The following NELL1 variants were observed in gnomAD, a reference collection of about 807,000 sequenced individuals.
NELL1 encodes the protein protein kinase C-binding protein NELL1.
Under a neutral mutation model 107.4 loss-of-function variants are expected in NELL1, and 76 were observed. The ratio of observed to expected loss-of-function variants is 0.71; its 90% CI spans 0.59 to 0.86. The LOEUF (loss-of-function observed/expected upper bound fraction) is 0.86. Ranked by LOEUF, NELL1 falls within the 40% of genes least tolerant of loss-of-function variation. NELL1 has a pLI of 0.00. For missense variants in NELL1, 1,024 were observed against 1,005.5 expected (o/e 1.02, Z -0.25); for synonymous variants, 353 against 341.2 (o/e 1.03, Z -0.38).
chr11:21,516,389 T>C (rs1855562875), intron 15 of NELL1, among the ~76,000 whole-genome samples: 1 of 152,132 alleles, frequency 6.6e-6, no homozygotes. Context: ...CGTGTGTGTA[T>C]CTTGTGTGTG....
chr11:21,047,345 A>G (rs2001491), intron 12 of NELL1, among the ~76,000 whole-genome samples: 50,747 of 151,922 alleles, frequency 0.33, 9,601 homozygotes, highest in East Asian at 0.59. Context: ...TTTATAATTT[A>G]ATGGAAATAC....
intron 15 of NELL1, among the ~76,000 whole-genome samples, chr11:21,465,760 T>G (rs760422469): frequency 1.2e-4 from 18 of 152,090 alleles, no homozygotes; most frequent in African/African-American, 3.9e-4. Context: ...CCTGAAAGCA[T>G]TGTTATCACT....
chr11:20,686,120 T>G (rs961554378), intron 2 of NELL1, among the ~76,000 whole-genome samples: 1 of 152,152 alleles, frequency 6.6e-6, no homozygotes, highest in Admixed American at 6.6e-5. Flanking sequence ...TTCATTTATT[T>G]TTATTTCTCC....
chr11:20,752,812 A>T (rs1436702497), intron 2 of NELL1, among the ~76,000 whole-genome samples: 1 of 152,210 alleles, frequency 6.6e-6, no homozygotes, highest in Non-Finnish European at 1.5e-5. Context: ...TTTTCACTCA[A>T]ATTATTGTCC....
chr11:20,750,266 C>CATT (rs1310073996), intron 2 of NELL1, among the ~76,000 whole-genome samples: 1 of 152,000 alleles, frequency 6.6e-6, no homozygotes, highest in East Asian at 1.9e-4. Flanking sequence ...GTCTTTTCTT[C>CATT]ATTATTATTA....
intron 2 of NELL1, among the ~76,000 whole-genome samples, chr11:20,746,052 T>C (rs530796292): frequency 1.2e-3 from 181 of 152,046 alleles, no homozygotes; most frequent in Non-Finnish European, 2.1e-3. Context: ...AATTATCCTA[T>C]TTAAAAGGGG....
chr11:20,764,252 T>C lies in NELL1; in HGVS notation c.185-19428T>C, dbSNP rs1040548769. 2.6e-5 allele frequency among the ~76,000 whole-genome samples: 4 copies of C among 152,250 alleles called. No homozygotes were observed. In the East Asian group the frequency reaches 7.7e-4, roughly 29 times the overall value. ...TAGGGTAGGATTGGATTTTGCCTTATAGGCAATTGGTATAATTATGTAATA... is the reference window on the plus strand; with the variant it reads ...TAGGGTAGGATTGGATTTTGCCTTACAGGCAATTGGTATAATTATGTAATA... On this transcript the variant is annotated intron_variant, in intron 2 of 19. Coordinates refer to ENST00000357134, the MANE Select transcript of NELL1 (RefSeq NM_006157.5).
At chr11:20,675,088 A>C (rs181264321) in intron 1 of NELL1, among the ~76,000 whole-genome samples, 168 of 152,306 alleles carry the variant, frequency 1.1e-3, no homozygotes, top group African/African-American at 3.8e-3. Context: ...TCCTTGGACC[A>C]GTGGACCAGC....
At chr11:20,828,336 T>G (rs888850114) in intron 3 of NELL1, among the ~76,000 whole-genome samples, 5 of 140,872 alleles carry the variant, frequency 3.5e-5, no homozygotes, top group African/African-American at 1.2e-4. Context: ...TAATCTTGCA[T>G]GTTCTACTCT....
At chr11:21,428,888 C>T (rs979505797) in intron 15 of NELL1, among the ~76,000 whole-genome samples, 8 of 152,158 alleles carry the variant, frequency 5.3e-5, no homozygotes, top group African/African-American at 1.9e-4. Context: ...TTGTAATAAT[C>T]TATGGATAAT....
At chr11:21,324,140 T>C (rs949230911) in intron 14 of NELL1, among the ~76,000 whole-genome samples, 1 of 152,134 alleles carries the variant, frequency 6.6e-6, no homozygotes, top group African/African-American at 2.4e-5. Flanking sequence ...TAGCATTGTT[T>C]TATTTTTTCC....
chr11:21,424,954 T>C lies in NELL1; in HGVS notation c.1645+54006T>C, dbSNP rs1044039034. Among the ~76,000 whole-genome samples the C allele has an allele frequency of 2.6e-5, 4 of 152,326 alleles. No homozygotes were observed. In the East Asian group the frequency reaches 7.7e-4, roughly 29 times the overall value. ...TTGTTCTATGAGGCCAGGAGTACTT[T>C]GATACCAAAGCCAGACCAAGCCATT... On this transcript the variant is annotated intron_variant, in intron 15 of 19. Transcript: ENST00000357134.
At chr11:20,968,462 C>A (rs1352637653) in intron 12 of NELL1, among the ~76,000 whole-genome samples, 1 of 152,130 alleles carries the variant, frequency 6.6e-6, no homozygotes, top group Non-Finnish European at 1.5e-5. Context: ...TTTTAAAGTG[C>A]AGAGTCTGTA....
At chr11:20,989,807 A>G (rs2134255962) in intron 12 of NELL1, among the ~76,000 whole-genome samples, 1 of 152,188 alleles carries the variant, frequency 6.6e-6, no homozygotes, top group East Asian at 1.9e-4. Context: ...CCTGGCTAAC[A>G]CGGTGAAACC....
intron 15 of NELL1, among the ~76,000 whole-genome samples, chr11:21,511,000 G>T (rs1334037229): frequency 6.6e-6 from 1 of 152,120 alleles, no homozygotes; most frequent in Non-Finnish European, 1.5e-5. Flanking sequence ...ATTTTGGTCA[G>T]GTTCAAACTT....
At chr11:21,203,870 G>A (rs1457649947) in intron 13 of NELL1, among the ~76,000 whole-genome samples, 1 of 152,106 alleles carries the variant, frequency 6.6e-6, no homozygotes, top group African/African-American at 2.4e-5. Flanking sequence ...TGCTTATGAA[G>A]CTTAGTTTGG....
At position 21,491,239 on chromosome 11, in the gene NELL1, T is replaced by A. The variant is rs185438345; in HGVS notation, c.1646-43135T>A. Among the ~76,000 whole-genome samples, 1,303 of 152,304 alleles carry A rather than the reference T, an allele frequency of 8.6e-3. 75 individuals are homozygous for A. Among genetic ancestry groups the A allele is most frequent in the Admixed American group, 0.078 (1,187 of 15,280 alleles). ...TGTCAATTTTGGCTTTTGTTGCCAT[T>A]GCTTTTGGTGTTTTAGACATGAAGT... On this transcript the variant is annotated intron_variant, in intron 15 of 19. Transcript: ENST00000357134.
intron 13 of NELL1, among the ~76,000 whole-genome samples, chr11:21,178,580 A>G (rs1376630876): frequency 6.6e-6 from 1 of 151,470 alleles, no homozygotes; most frequent in African/African-American, 2.4e-5. Flanking sequence ...CAGCCCAGGC[A>G]ATATAGTGAA....
At chr11:21,048,930 C>G (rs1236939570) in intron 12 of NELL1, among the ~76,000 whole-genome samples, 1 of 152,020 alleles carries the variant, frequency 6.6e-6, no homozygotes, top group Non-Finnish European at 1.5e-5. Flanking sequence ...GACTTGGAGA[C>G]TAGCATGCAG....
Sources: gnomAD v4.1 joint callset for allele counts (sites outside exome capture counted in the v4.1 genomes callset) on GRCh38, gnomAD v4.1.1 for gene constraint, MANE v1.5 for transcripts, NCBI Gene and HGNC (gene_info 2026-07-23, HGNC 2026-07-21) for gene names.